Variants in ASIC2 observed in about 807,000 individuals in gnomAD.
ASIC2 encodes the protein acid sensing ion channel subunit 2.
A neutral mutation model predicts 57.3 loss-of-function variants in ASIC2; 25 were observed. The observed-to-expected ratio is 0.44, with a 90% CI of 0.32 to 0.61. The LOEUF is 0.61. ASIC2 is among the 20% of genes least tolerant of loss of function. ASIC2 has a pLI of 0.06. For missense variants in ASIC2, 641 were observed against 738.1 expected (o/e 0.87, Z 1.52); for synonymous variants, 319 against 307.5 (o/e 1.04, Z -0.39).
chr17:34,010,957 G>GTCTCTCTCTC, intron 1 of ASIC2, among the ~76,000 whole-genome samples: 2 of 20,596 alleles, frequency 9.7e-5, no homozygotes, highest in Non-Finnish European at 1.0e-4. Context: ...GATTCCTGCA[G>GTCTCTCTCTC]TCAGACACAT....
At chr17:33,028,680 C>A (rs1278020311) in intron 3 of ASIC2, among the ~76,000 whole-genome samples, 1 of 152,104 alleles carries the variant, frequency 6.6e-6, no homozygotes, top group Non-Finnish European at 1.5e-5. Context: ...ACCATCAAGC[C>A]CCACCCTAAC....
rs1020743794 is a variant in ASIC2 at position 33,667,794 on chromosome 17, G to A, written c.555+488184C>T. Among the ~76,000 whole-genome samples, 5 of 152,138 alleles carry A rather than the reference G, an allele frequency of 3.3e-5. No individual in the cohort carries two copies. In the East Asian group the frequency reaches 5.8e-4, roughly 18 times the overall value. The stretch of plus-strand genomic sequence containing the variant: ...GGGCTCACTGGGCAGAAATCTAGTC[G>A]TCAGAAGGTCACTGGGATGGTCCCA... On this transcript the variant is annotated intron_variant, in intron 1 of 9. Transcript: ENST00000359872.
chr17:33,085,375 T>C (rs1172508960), intron 3 of ASIC2, among the ~76,000 whole-genome samples: 1 of 152,230 alleles, frequency 6.6e-6, no homozygotes, highest in Non-Finnish European at 1.5e-5. Context: ...GAATCCTTAT[T>C]TCAGAAATGT....
chr17:33,623,876 C>T (rs1027938394), intron 1 of ASIC2, among the ~76,000 whole-genome samples: 2 of 152,262 alleles, frequency 1.3e-5, no homozygotes, highest in South Asian at 2.1e-4. Flanking sequence ...ATCCAAGGCT[C>T]CAGCCCCCCA....
chr17:33,546,076 A>G (rs974610974), intron 1 of ASIC2, among the ~76,000 whole-genome samples: 1 of 151,330 alleles, frequency 6.6e-6, no homozygotes, highest in African/African-American at 2.4e-5. Flanking sequence ...TATTAGCATG[A>G]TGCATTTATG....
intron 1 of ASIC2, among the ~76,000 whole-genome samples, chr17:33,710,667 A>G (rs1909001883): frequency 6.6e-6 from 1 of 152,234 alleles, no homozygotes; most frequent in Admixed American, 6.5e-5. Flanking sequence ...GAGGCCCTTA[A>G]AGATTATATA....
chr17:33,106,948 A>G (rs570618245), intron 2 of ASIC2, among the ~76,000 whole-genome samples: 1 of 152,364 alleles, frequency 6.6e-6, no homozygotes, highest in African/African-American at 2.4e-5. Context: ...CTGAGGATTT[A>G]GGAGCCTTGG....
intron 1 of ASIC2, among the ~76,000 whole-genome samples, chr17:33,741,122 C>G (rs1910099292): frequency 6.6e-6 from 1 of 152,188 alleles, no homozygotes; most frequent in African/African-American, 2.4e-5. Context: ...TCAAGGGCAT[C>G]AGGGAGAGGC....
chr17:33,427,985 T>G (rs1911277232), intron 1 of ASIC2, among the ~76,000 whole-genome samples: 1 of 152,200 alleles, frequency 6.6e-6, no homozygotes, highest in Non-Finnish European at 1.5e-5. Context: ...ATCAACCTTG[T>G]GGAGGGGTCC....
chr17:33,799,344 CTCTCTT>C (rs1231611891), intron 1 of ASIC2, among the ~76,000 whole-genome samples: 2 of 143,480 alleles, frequency 1.4e-5, no homozygotes, highest in Admixed American at 1.4e-4. Context: ...TCTCTGTTTC[CTCTCTT>C]TCTCTTTCTT....
intron 1 of ASIC2, among the ~76,000 whole-genome samples, chr17:33,237,303 G>T (rs1461518833): frequency 6.6e-6 from 1 of 152,052 alleles, no homozygotes; most frequent in East Asian, 1.9e-4. Context: ...TGTGGTGGGA[G>T]AAGGTATTGG....
At chr17:33,027,435 C>CACAT (rs1376904423) in intron 4 of ASIC2, among the ~76,000 whole-genome samples, 2 of 152,218 alleles carry the variant, frequency 1.3e-5, no homozygotes, top group Admixed American at 1.3e-4. Context: ...ACATTCCCGG[C>CACAT]ACATAGTAGG....
At chr17:33,440,861 C>T (rs1911798132) in intron 1 of ASIC2, among the ~76,000 whole-genome samples, 1 of 152,148 alleles carries the variant, frequency 6.6e-6, no homozygotes, top group Non-Finnish European at 1.5e-5. Flanking sequence ...ATTCTGGATA[C>T]AAGTGCTTTA....
chr17:33,708,496 T>C (rs1007037645), intron 1 of ASIC2, among the ~76,000 whole-genome samples: 4 of 152,240 alleles, frequency 2.6e-5, no homozygotes, highest in African/African-American at 9.6e-5. Context: ...ACCTAAGTTC[T>C]ATTGACCACA....
At chr17:33,376,115 T>C (rs1909267927) in intron 1 of ASIC2, among the ~76,000 whole-genome samples, 1 of 152,094 alleles carries the variant, frequency 6.6e-6, no homozygotes, top group Non-Finnish European at 1.5e-5. Flanking sequence ...AGACATACCC[T>C]AAGGATTAAA....
At chr17:33,520,572 A>G (rs569551854) in intron 1 of ASIC2, among the ~76,000 whole-genome samples, 11 of 152,234 alleles carry the variant, frequency 7.2e-5, no homozygotes, top group Non-Finnish European at 1.5e-4. Context: ...AATGTTCAGC[A>G]CACAAGGAGC....
At chr17:33,695,489 A>T (rs1240076816) in intron 1 of ASIC2, among the ~76,000 whole-genome samples, 1 of 152,246 alleles carries the variant, frequency 6.6e-6, no homozygotes, top group East Asian at 1.9e-4. Context: ...TTTAAAAATT[A>T]TGAAAAAATG....
At chr17:33,676,253 C>T (rs1291605118) in intron 1 of ASIC2, among the ~76,000 whole-genome samples, 4 of 152,294 alleles carry the variant, frequency 2.6e-5, no homozygotes, top group Admixed American at 2.0e-4. Context: ...CAATTAATAA[C>T]CCTACAATGG....
At chr17:34,115,536 T>C (rs1333850362) in intron 1 of ASIC2, among the ~76,000 whole-genome samples, 2 of 152,238 alleles carry the variant, frequency 1.3e-5, no homozygotes, top group Non-Finnish European at 2.9e-5. Flanking sequence ...AGGCCATTAA[T>C]TGATGGCTTT....
Sources: gnomAD v4.1 joint callset for allele counts (sites outside exome capture counted in the v4.1 genomes callset) on GRCh38, gnomAD v4.1.1 for gene constraint, MANE v1.5 for transcripts, NCBI Gene and HGNC (gene_info 2026-07-23, HGNC 2026-07-21) for gene names.